The following DCAF8 variants were observed in gnomAD, a reference collection of about 807,000 sequenced individuals.
The protein encoded by DCAF8 is DDB1 and CUL4 associated factor 8, also known as DDB1- and CUL4-associated factor 8.
A neutral mutation model predicts 68.0 loss-of-function variants in DCAF8; 20 were observed. The ratio of observed to expected loss-of-function variants is 0.29; its 90% CI spans 0.21 to 0.43. The LOEUF (loss-of-function observed/expected upper bound fraction) is 0.43. Ranked by LOEUF, DCAF8 falls within the 20% of genes least tolerant of loss-of-function variation. DCAF8 has a pLI of 1.00. For synonymous variants in DCAF8, 230 were observed against 276.9 expected (o/e 0.83, Z 1.68); for missense variants, 460 against 771.0 (o/e 0.60, Z 4.78).
rs374271455 is a variant in DCAF8, at chr1:160,224,414, C to T, written c.1309+28G>A. 5.7e-6 allele frequency: 9 copies of T among 1,578,942 alleles called. No homozygotes were observed. In the Admixed American group the frequency reaches 6.7e-5, roughly 12 times the overall value. ...GTTCTCCAAAGCCAACAGGCTTGGG[C>T]CAAAGAAACCTAGGAAGACAGTCTC... On this transcript the variant is annotated intron_variant, in intron 10 of 13. Coordinates refer to ENST00000368074, the MANE Select transcript of DCAF8 (RefSeq NM_015726.4).
At chr1:160,253,264 G>C (rs965230349) in intron 2 of DCAF8, among the ~76,000 whole-genome samples, 1 of 152,188 alleles carries the variant, frequency 6.6e-6, no homozygotes, top group Admixed American at 6.5e-5. Flanking sequence ...ACTTTGGGAG[G>C]CTGAGGCTGG....
intron 5 of DCAF8, among the ~76,000 whole-genome samples, 193 bp from the exon 6 acceptor site, chr1:160,237,422 A>G (rs1655934788): frequency 6.6e-6 from 1 of 152,222 alleles, no homozygotes; most frequent in African/African-American, 2.4e-5. Context: ...AATTATTTAT[A>G]GTTTTGTTTA....
At chr1:160,231,562 C>A (rs74125517) in intron 6 of DCAF8, among the ~76,000 whole-genome samples, 155 bp from the exon 7 acceptor site, 1 of 151,984 alleles carries the variant, frequency 6.6e-6, no homozygotes, top group African/African-American at 2.4e-5. Flanking sequence ...TTGTTTTGTA[C>A]GTAACAACAG....
intron 2 of DCAF8, among the ~76,000 whole-genome samples, chr1:160,258,141 G>A (rs1656913277): frequency 6.6e-6 from 1 of 151,888 alleles, no homozygotes; most frequent in African/African-American, 2.4e-5. Context: ...GAGCCCAGGG[G>A]TTTGAAACCA....
intron 4 of DCAF8, chr1:160,239,079 A>T: frequency 1.3e-6 from 1 of 778,956 alleles, no homozygotes; most frequent in Non-Finnish European, 1.6e-6. Flanking sequence ...TTAAGAAAGT[A>T]AATATAAATT....
At chr1:160,231,135 C>A (rs1292500596) in intron 7 of DCAF8, among the ~76,000 whole-genome samples, 162 bp downstream of exon 7, 4 of 152,142 alleles carry the variant, frequency 2.6e-5, no homozygotes, top group Admixed American at 1.3e-4. Flanking sequence ...GAGAACAGAA[C>A]ATCTCCAAAG....
At chr1:160,236,320 GTATA>G (rs765767030) in intron 6 of DCAF8, among the ~76,000 whole-genome samples, 17 of 150,690 alleles carry the variant, frequency 1.1e-4, no homozygotes, top group African/African-American at 3.7e-4. Flanking sequence ...ATACGTGTGT[GTATA>G]TAAATACATA....
At chr1:160,232,413 T>C (rs143037091) in intron 6 of DCAF8, among the ~76,000 whole-genome samples, 2,412 of 151,874 alleles carry the variant, frequency 0.016, 63 homozygotes, top group African/African-American at 0.049. Context: ...GAAGCCGAGG[T>C]GGGTGGATCA....
In DCAF8 at chr1:160,246,857, G is replaced by A. The variant is rs192169927; in HGVS notation, c.-26-2823C>T. Among the ~76,000 whole-genome samples, 166 of 152,320 alleles carry A rather than the reference G, an allele frequency of 1.1e-3. 1 individual carries two copies. Among genetic ancestry groups the A allele is most frequent in the African/African-American group, 3.9e-3 (161 of 41,574 alleles). On this transcript the variant is annotated intron_variant, in intron 2 of 13. Coordinates refer to ENST00000368074, the MANE Select transcript of DCAF8 (RefSeq NM_015726.4). ...TGTAGTCCCAGCTACTTGGGGTAGG[G>A]CTGAGATGGAAGGATCACATGAGCC... is the stretch of plus-strand genomic sequence containing the variant.
At position 160,240,214 on chromosome 1, in the gene DCAF8, G is replaced by C. The variant is rs780857370; in HGVS notation, c.206C>G (p.Thr69Arg). Residue 69 changes from threonine (T) to arginine (R), a missense_variant, in exon 4 of 14, where the codon ACA becomes AGA. By Grantham distance (71) the Thr-to-Arg change is moderately conservative. Around this residue, in one of 8 missense-constraint regions of DCAF8, gnomAD observed 156 missense variants for 181.4 expected, o/e 0.86. Transcript: ENST00000368074. ...GTCCTTATCTTCACCTGAGCTCTCT[G>C]TGTCTGTGCCTCGACTTTCTGTGCT... is the stretch of plus-strand genomic sequence containing the variant. ...RTSTESRGTD[T>R]ESSGEDKDSD... The C allele has an allele frequency of 3.1e-6, 5 of 1,614,078 alleles. No homozygotes were observed. The highest frequency in any genetic ancestry group is 4.2e-6 in the Non-Finnish European group (5 of 1,180,020).
intron 2 of DCAF8, among the ~76,000 whole-genome samples, chr1:160,255,192 T>C (rs1656781299): frequency 6.6e-6 from 1 of 152,234 alleles, no homozygotes; most frequent in African/African-American, 2.4e-5. Flanking sequence ...GTTAATATCT[T>C]CTTTCAAGTA....
chr1:160,219,153 G>T, intron 11 of DCAF8, 185 bp from the exon 12 acceptor site: 1 of 702,330 alleles, frequency 1.4e-6, no homozygotes, highest in East Asian at 2.8e-5. Flanking sequence ...GACACAGACT[G>T]GGTATAAGAC....
At chr1:160,256,012 C>CTTTTTTTTTTT (rs11284812) in intron 2 of DCAF8, among the ~76,000 whole-genome samples, 1 of 75,488 alleles carries the variant, frequency 1.3e-5, no homozygotes, top group Non-Finnish European at 2.5e-5. Context: ...ACTAAGCAAA[C>CTTTTTTTTTTT]TTTTTTTTTT....
At chr1:160,233,080 G>A (rs973102165) in intron 6 of DCAF8, among the ~76,000 whole-genome samples, 4 of 152,066 alleles carry the variant, frequency 2.6e-5, no homozygotes, top group African/African-American at 7.2e-5. Context: ...TTAAGTCTAA[G>A]GTTTTATTTA....
At chr1:160,233,859 G>A (rs1655778951) in intron 6 of DCAF8, among the ~76,000 whole-genome samples, 1 of 152,082 alleles carries the variant, frequency 6.6e-6, no homozygotes, top group South Asian at 2.1e-4. Flanking sequence ...GGCATGCAGA[G>A]GTGCTATAAA....
At chr1:160,247,471 G>A (rs1656389500) in intron 2 of DCAF8, among the ~76,000 whole-genome samples, 1 of 152,212 alleles carries the variant, frequency 6.6e-6, no homozygotes, top group Admixed American at 6.5e-5. Flanking sequence ...GAGATACCAA[G>A]TGTCTCTTGT....
intron 6 of DCAF8, among the ~76,000 whole-genome samples, chr1:160,232,658 T>G (rs1655734960): frequency 6.7e-6 from 1 of 150,078 alleles, no homozygotes; most frequent in South Asian, 2.1e-4. Flanking sequence ...AAAAAAAAAT[T>G]GTTATAAAAA....
intron 7 of DCAF8, among the ~76,000 whole-genome samples, chr1:160,227,020 G>C (rs1191693584): frequency 6.6e-6 from 1 of 152,296 alleles, no homozygotes; most frequent in East Asian, 1.9e-4. Flanking sequence ...AGAATCTCTG[G>C]CCTGTTTCAG....
At chr1:160,250,275 C>T (rs1656523132) in intron 2 of DCAF8, among the ~76,000 whole-genome samples, 1 of 152,018 alleles carries the variant, frequency 6.6e-6, no homozygotes, top group African/African-American at 2.4e-5. Context: ...ACCAGCCTGA[C>T]CAACATGGAG....
Sources: allele counts gnomAD v4.1 joint callset (sites outside exome capture counted in the v4.1 genomes callset), GRCh38; gene constraint gnomAD v4.1.1; regional missense constraint gnomAD v4.1.1; transcripts MANE v1.5; gene names NCBI Gene and HGNC (gene_info 2026-07-23, HGNC 2026-07-21).